Variants in RANBP2 observed in about 807,000 individuals in gnomAD.
RANBP2 encodes E3 SUMO-protein ligase RanBP2.
A neutral mutation model predicts 303.6 loss-of-function variants in RANBP2; 57 were observed. That is an observed-to-expected ratio of 0.19 (90% CI 0.15 to 0.23). RANBP2 has a LOEUF of 0.23. Ranked by LOEUF, RANBP2 falls within the 10% of genes least tolerant of loss-of-function variation. RANBP2 has a pLI of 1.00. For missense variants in RANBP2, 3,138 were observed against 3,780.8 expected (o/e 0.83, Z 4.46); for synonymous variants, 1,167 against 1,301.5 (o/e 0.90, Z 2.23).
At chr2:109,184,448 G>A in the RANBP2 span, among the ~76,000 whole-genome samples, 1 of 152,218 alleles carries the variant, frequency 6.6e-6, no homozygotes, top group African/African-American at 2.4e-5. Flanking sequence ...CTGTGGCGGG[G>A]CCCTGGGGGA....
At chr2:109,309,944 T>G in the RANBP2 span, among the ~76,000 whole-genome samples, 1 of 123,504 alleles carries the variant, frequency 8.1e-6, no homozygotes, top group Non-Finnish European at 1.6e-5. Flanking sequence ...AGACAGAAAG[T>G]CAACAAGGAT....
intron 1 of RANBP2, among the ~76,000 whole-genome samples, chr2:108,727,465 T>G (rs1049123025): frequency 6.6e-6 from 1 of 151,980 alleles, no homozygotes; most frequent in Non-Finnish European, 1.5e-5. Flanking sequence ...AGGAAACATG[T>G]TTCGATTGAC....
chr2:109,136,227 A>G, the RANBP2 span, among the ~76,000 whole-genome samples: 7 of 139,222 alleles, frequency 5.0e-5, no homozygotes, highest in Admixed American at 6.8e-5. Context: ...GAGGTGCATT[A>G]AAAAAAAACA....
chr2:108,908,283 C>T, the RANBP2 span, among the ~76,000 whole-genome samples: 2,921 of 152,132 alleles, frequency 0.019, 91 homozygotes, highest in African/African-American at 0.067. Context: ...GCTGCCACTG[C>T]GTGTGGGAGG....
At chr2:109,098,267 C>T in the RANBP2 span, among the ~76,000 whole-genome samples, 1 of 152,156 alleles carries the variant, frequency 6.6e-6, no homozygotes. Context: ...ATGTACAAGT[C>T]CCCAGCAGTC....
At chr2:108,813,791 G>A in the RANBP2 span, among the ~76,000 whole-genome samples, 2 of 151,990 alleles carry the variant, frequency 1.3e-5, no homozygotes, top group Non-Finnish European at 2.9e-5. Context: ...CCCTTTCCTG[G>A]TCATTCTTTT....
chr2:109,078,842 A>G, the RANBP2 span, among the ~76,000 whole-genome samples: 1 of 149,546 alleles, frequency 6.7e-6, no homozygotes, highest in Non-Finnish European at 1.5e-5. Context: ...AAAAAAAAAA[A>G]TAGCCGGGTG....
At chr2:109,199,587 T>TCAACCCGAGTGCAGG in the RANBP2 span, among the ~76,000 whole-genome samples, 2 of 978 alleles carry the variant, frequency 2.0e-3, no homozygotes, top group Non-Finnish European at 4.5e-3. Flanking sequence ...TGGAATGGAA[T>TCAACCCGAGTGCAGG]GGAATGGAAT....
the RANBP2 span, among the ~76,000 whole-genome samples, chr2:109,651,222 G>A: frequency 6.6e-6 from 1 of 151,894 alleles, no homozygotes; most frequent in African/African-American, 2.4e-5. Context: ...TTGATTCCTG[G>A]GCCTGTGAAT....
chr2:108,721,478 T>C (rs1167128654), intron 1 of RANBP2, among the ~76,000 whole-genome samples: 2 of 152,198 alleles, frequency 1.3e-5, no homozygotes, highest in Non-Finnish European at 2.9e-5. Flanking sequence ...GGTCTCACTC[T>C]GTCACCCAGC....
chr2:109,663,741 G>T, the RANBP2 span, among the ~76,000 whole-genome samples: 1 of 152,176 alleles, frequency 6.6e-6, no homozygotes, highest in Non-Finnish European at 1.5e-5. Flanking sequence ...AACACTTGAG[G>T]CAAAAGGTGG....
At chr2:109,711,635 C>T in the RANBP2 span, among the ~76,000 whole-genome samples, 8 of 152,204 alleles carry the variant, frequency 5.3e-5, no homozygotes, top group Non-Finnish European at 1.2e-4. Context: ...GGAAGCCTCG[C>T]TGGCCTGGCC....
chr2:109,625,280 G>C, the RANBP2 span, among the ~76,000 whole-genome samples: 1 of 151,990 alleles, frequency 6.6e-6, no homozygotes, highest in East Asian at 1.9e-4. Flanking sequence ...AGCAGAAAAG[G>C]GAACAACCCA....
the RANBP2 span, among the ~76,000 whole-genome samples, chr2:109,349,034 TCTCA>T: frequency 6.6e-6 from 1 of 152,116 alleles, no homozygotes; most frequent in Non-Finnish European, 1.5e-5. Flanking sequence ...TCTCTCTCTC[TCTCA>T]CACACACACG....
the RANBP2 span, among the ~76,000 whole-genome samples, chr2:109,040,985 G>A: frequency 1.3e-5 from 2 of 152,190 alleles, no homozygotes; most frequent in Admixed American, 1.3e-4. Context: ...GGACCCAGGA[G>A]GCGGAGCTTG....
chr2:109,706,088 A>G, the RANBP2 span, among the ~76,000 whole-genome samples: 1 of 152,124 alleles, frequency 6.6e-6, no homozygotes, highest in Non-Finnish European at 1.5e-5. Context: ...GCCTCTTCTC[A>G]TGACCGACAC....
chr2:109,686,839 C>G, the RANBP2 span, among the ~76,000 whole-genome samples: 1 of 152,132 alleles, frequency 6.6e-6, no homozygotes, highest in South Asian at 2.1e-4. Context: ...TCTGGAAATC[C>G]TGAGCACAAG....
At chr2:109,595,575 G>A in the RANBP2 span, among the ~76,000 whole-genome samples, 1 of 152,114 alleles carries the variant, frequency 6.6e-6, no homozygotes, top group Admixed American at 6.6e-5. Flanking sequence ...ATCACTGAAG[G>A]CAGGAGTCAA....
chr2:108,816,166 C>A, the RANBP2 span: 1 of 1,296,998 alleles, frequency 7.7e-7, no homozygotes, highest in Non-Finnish European at 1.1e-6. Context: ...AAGGAAAAGC[C>A]AGGGCCAGGC....
Sources: allele counts gnomAD v4.1 joint callset (sites outside exome capture counted in the v4.1 genomes callset), GRCh38; gene constraint gnomAD v4.1.1; transcripts MANE v1.5; gene names NCBI Gene and HGNC (gene_info 2026-07-23, HGNC 2026-07-21).